Variants in PLB1 observed in about 807,000 individuals in gnomAD.
The protein encoded by PLB1 is phospholipase B1, also known as phospholipase B1, membrane-associated.
A neutral mutation model predicts 227.4 loss-of-function variants in PLB1; 242 were observed. The observed-to-expected ratio is 1.06, with a 90% CI of 0.96 to 1.18. The LOEUF (loss-of-function observed/expected upper bound fraction) is 1.18. Among genes scored for constraint, PLB1 ranks in the 50% most tolerant of loss-of-function variants. The pLI is 0.00. For synonymous variants in PLB1, 757 were observed against 682.2 expected, an observed-to-expected ratio of 1.11 and a Z score of -1.71; for missense variants, 1,858 against 1,816.3, an observed-to-expected ratio of 1.02 and a Z score of -0.42.
chr2:28,541,086 C>A (rs997937615), intron 12 of PLB1, among the ~76,000 whole-genome samples: 2 of 152,048 alleles, frequency 1.3e-5, no homozygotes, highest in African/African-American at 4.8e-5. Context: ...CGGGAGAAGT[C>A]GTTTGAGCTT....
At chr2:28,620,353 T>C (rs1232160460) in intron 47 of PLB1, 21 bp downstream of exon 47, 4 of 1,577,232 alleles carry the variant, frequency 2.5e-6, no homozygotes, top group African/African-American at 1.4e-5. Flanking sequence ...TCTTGATGCA[T>C]GCTCTATTGA....
chr2:28,598,078 C>A, intron 34 of PLB1, 30 bp downstream of exon 34: 1 of 1,594,634 alleles, frequency 6.3e-7, no homozygotes, highest in South Asian at 1.1e-5. Flanking sequence ...TTGAATCTGT[C>A]TACTGTTCCA....
chr2:28,582,061 C>T lies in PLB1; in HGVS notation c.1567-7C>T. 1 of 1,611,940 alleles carries T rather than the reference C, an allele frequency of 6.2e-7. No individual in the cohort carries two copies. Among genetic ancestry groups the T allele is most frequent in the South Asian group, 1.1e-5 (1 of 91,032 alleles). The stretch of plus-strand genomic sequence containing the variant: ...TGGTGTTCAAGGGACACTTCCTCTT[C>T]CTGCAGGTCCACTATTCTCCCCAGA... On this transcript the variant is annotated splice_polypyrimidine_tract_variant and splice_region_variant and intron_variant, in intron 23 of 57. Coordinates refer to ENST00000327757, the MANE Select transcript of PLB1 (RefSeq NM_153021.5).
chr2:28,504,118 A>G (rs1034817600), intron 1 of PLB1, among the ~76,000 whole-genome samples: 2 of 152,080 alleles, frequency 1.3e-5, no homozygotes, highest in African/African-American at 2.4e-5. Context: ...TGTTGCCTCT[A>G]CTTGATTATT....
At chr2:28,548,473 G>A in intron 14 of PLB1, 1 of 446,952 alleles carries the variant, frequency 2.2e-6, no homozygotes, top group South Asian at 1.6e-5. Flanking sequence ...ATGTTTGGTT[G>A]GATGCAGGAC....
At chr2:28,540,552 C>G in intron 12 of PLB1, 111 bp downstream of exon 12, 1 of 846,868 alleles carries the variant, frequency 1.2e-6, no homozygotes, top group Non-Finnish European at 1.9e-6. Flanking sequence ...TAGGACTTCT[C>G]CAGCTGAATT....
intron 38 of PLB1, among the ~76,000 whole-genome samples, 199 bp from the exon 39 acceptor site, chr2:28,602,622 C>G (rs1299559413): frequency 1.3e-5 from 2 of 152,240 alleles, no homozygotes; most frequent in Non-Finnish European, 2.9e-5. Context: ...CCGCTGCAGC[C>G]CCTTTGGGTG....
At chr2:28,582,372 A>T (rs759441193) in intron 24 of PLB1, 33 bp from the exon 25 acceptor site, 1 of 1,589,488 alleles carries the variant, frequency 6.3e-7, no homozygotes, top group South Asian at 1.1e-5. Context: ...GCCCAGCCTC[A>T]TCCTCTTGGT....
chr2:28,571,713 C>T (rs536649837), intron 20 of PLB1, among the ~76,000 whole-genome samples: 202 of 152,220 alleles, frequency 1.3e-3, no homozygotes, highest in Non-Finnish European at 2.5e-3. Flanking sequence ...TTTCAATAAA[C>T]TGTGCTGAGA....
intron 20 of PLB1, among the ~76,000 whole-genome samples, chr2:28,572,576 C>T (rs181466857): frequency 9.2e-5 from 14 of 152,266 alleles, no homozygotes; most frequent in South Asian, 2.1e-4. Flanking sequence ...GCAATAAAAA[C>T]GAATGCAGTA....
Position 28,598,696 on chromosome 2 carries a change from G to A in PLB1, c.2410G>A (p.Gly804Ser), listed in dbSNP as rs766302022. The change falls in exon 35 of 58, where the codon GGC becomes AGC. Residue 804 changes from glycine to serine, a missense_variant. Physicochemically the swap from Gly to Ser is moderately conservative, Grantham distance 56. Coordinates refer to ENST00000327757, the MANE Select transcript of PLB1 (RefSeq NM_153021.5). The part of the protein sequence containing the change: ...FNRNLTGYAV[G>S]TGDANDTNAF... ...CAGAAACCTCACAGGCTACGCCGTG[G>A]GCACGGGTGATGCCAATGACACGAA... is the stretch of plus-strand genomic sequence containing the variant. 6.2e-7 allele frequency: 1 copy of A among 1,614,230 alleles called. No individual in the cohort carries two copies. The highest frequency in any genetic ancestry group is 1.1e-5 in the South Asian group (1 of 91,084).
chr2:28,579,912 G>C (rs1679637523), intron 23 of PLB1, among the ~76,000 whole-genome samples: 2 of 152,212 alleles, frequency 1.3e-5, no homozygotes. Flanking sequence ...TTAGTTATAA[G>C]ATTGATCCTG....
intron 7 of PLB1, 125 bp from the exon 8 acceptor site, chr2:28,529,603 C>A (rs555805467): frequency 9.3e-7 from 1 of 1,071,636 alleles, no homozygotes; most frequent in Non-Finnish European, 1.4e-6. Context: ...CAATGCCCAC[C>A]CTTCAGAAGC....
At chr2:28,597,796 A>G (rs928699221) in intron 33 of PLB1, among the ~76,000 whole-genome samples, 2 of 152,214 alleles carry the variant, frequency 1.3e-5, no homozygotes, top group African/African-American at 4.8e-5. Context: ...CAGCTCTCTC[A>G]TCTTCAAATC....
chr2:28,621,905 AT>A (rs1687107238), intron 49 of PLB1, among the ~76,000 whole-genome samples: 1 of 152,066 alleles, frequency 6.6e-6, no homozygotes, highest in African/African-American at 2.4e-5. Flanking sequence ...TACAGGCTTC[AT>A]TTTCCAGGAG....
At chr2:28,597,830 T>C (rs1219255673) in intron 33 of PLB1, among the ~76,000 whole-genome samples, 175 bp from the exon 34 acceptor site, 1 of 152,132 alleles carries the variant, frequency 6.6e-6, no homozygotes, top group African/African-American at 2.4e-5. Context: ...GGAACCAATA[T>C]GTTAGGGGCT....
chr2:28,626,690 T>A, intron 51 of PLB1, 182 bp downstream of exon 51: 1 of 624,656 alleles, frequency 1.6e-6, no homozygotes, highest in Non-Finnish European at 2.9e-6. Context: ...TTCTACTGCC[T>A]GAGCGACCCC....
chr2:28,541,299 CT>C (rs1672451206), intron 12 of PLB1, among the ~76,000 whole-genome samples: 1 of 152,194 alleles, frequency 6.6e-6, no homozygotes, highest in Non-Finnish European at 1.5e-5. Flanking sequence ...ATGACTTTTG[CT>C]TATGAAGAAA....
At chr2:28,591,543 T>C (rs774291366) in intron 30 of PLB1, among the ~76,000 whole-genome samples, 157 bp from the exon 31 acceptor site, 1 of 152,108 alleles carries the variant, frequency 6.6e-6, no homozygotes, top group Non-Finnish European at 1.5e-5. Context: ...CTACGCAAAA[T>C]CACCTAGGGA....
Sources: gnomAD v4.1 joint callset for allele counts (sites outside exome capture counted in the v4.1 genomes callset) on GRCh38, gnomAD v4.1.1 for gene constraint, MANE v1.5 for transcripts, NCBI Gene and HGNC (gene_info 2026-07-23, HGNC 2026-07-21) for gene names.